Variants in SOD2 observed in about 807,000 individuals in gnomAD.
SOD2 encodes the protein superoxide dismutase 2, also known as superoxide dismutase [Mn], mitochondrial.
A neutral mutation model predicts 27.0 loss-of-function variants in SOD2; 11 were observed. The observed-to-expected ratio is 0.41, with a 90% confidence interval of 0.26 to 0.67. The LOEUF (loss-of-function observed/expected upper bound fraction) is 0.67. Among genes scored for constraint, SOD2 ranks in the 30% least tolerant of loss-of-function variants. The pLI is 0.34. For synonymous variants in SOD2, 105 were observed against 103.0 expected, an observed-to-expected ratio of 1.02 and a Z score of -0.12; for missense variants, 250 against 274.5, an observed-to-expected ratio of 0.91 and a Z score of 0.63.
At chr6:159,760,745 T>A (rs7755489) in intron 1 of SOD2, 6,538 of 152,252 alleles carry the variant, frequency 0.043, 232 homozygotes, top group African/African-American at 0.082. Context: ...TAAGGGGATG[T>A]GAGAGTAAGC....
chr6:159,747,461 G>A (rs1369255164), upstream of SOD2, among the ~76,000 whole-genome samples: 2 of 152,020 alleles, frequency 1.3e-5, no homozygotes, highest in South Asian at 2.1e-4. Flanking sequence ...TCTATGATTC[G>A]GATCTATTCA....
chr6:159,707,689 C>G (rs1041067136), intron 1 of SOD2, among the ~76,000 whole-genome samples: 10 of 152,146 alleles, frequency 6.6e-5, no homozygotes, highest in African/African-American at 2.4e-4. Context: ...ACCAGAGGTA[C>G]AAGGAGGAGC....
chr6:159,696,684 C>G (rs1400254843), upstream of SOD2, among the ~76,000 whole-genome samples: 1 of 152,122 alleles, frequency 6.6e-6, no homozygotes, highest in Non-Finnish European at 1.5e-5. Context: ...TTGCTGCTCA[C>G]TGGTCAAAAT....
chr6:159,755,421 C>T (rs375840138), intron 1 of SOD2: 67 of 1,613,960 alleles, frequency 4.2e-5, no homozygotes, highest in Admixed American at 1.7e-4. Context: ...CAACTCAGTG[C>T]GGGGTATGAA....
intron 1 of SOD2, among the ~76,000 whole-genome samples, chr6:159,710,150 A>G (rs1777704499): frequency 6.6e-6 from 1 of 151,074 alleles, no homozygotes; most frequent in South Asian, 2.1e-4. Context: ...GCATTAGGAG[A>G]TATACCTAAT....
intron 1 of SOD2, among the ~76,000 whole-genome samples, chr6:159,704,896 T>C (rs1444893269): frequency 6.6e-6 from 1 of 152,082 alleles, no homozygotes; most frequent in African/African-American, 2.4e-5. Context: ...GACTGACACC[T>C]CACATGGCCA....
chr6:159,693,533 T>C (rs1009451065), upstream of SOD2, among the ~76,000 whole-genome samples: 1 of 152,144 alleles, frequency 6.6e-6, no homozygotes, highest in Non-Finnish European at 1.5e-5. Context: ...AGGCGGCCCC[T>C]GCCCCCGTGG....
chr6:159,755,772 T>C (rs1211405942), intron 1 of SOD2: 12 of 986,342 alleles, frequency 1.2e-5, no homozygotes, highest in Admixed American at 4.3e-5. Flanking sequence ...TTTCTTTTTT[T>C]TTTTTTTTTT....
At chr6:159,748,580 C>G (rs1779704874), upstream of SOD2, 1 of 1,364,362 alleles carries the variant, frequency 7.3e-7, no homozygotes, top group Non-Finnish European at 9.4e-7. This position sits in a 1 kb window ranked among gnomAD's most constrained non-coding sequence, Gnocchi z 5.6. Context: ...TCCCCTTCCC[C>G]TTGCTTCAGA....
At chr6:159,702,606 AT>A (rs1330990066) in intron 1 of SOD2, among the ~76,000 whole-genome samples, 2 of 139,128 alleles carry the variant, frequency 1.4e-5, no homozygotes, top group African/African-American at 2.7e-5. Context: ...CCTATAAACA[AT>A]TTTTTAAAAC....
upstream of SOD2, among the ~76,000 whole-genome samples, chr6:159,731,423 G>A (rs1321345295): frequency 6.6e-6 from 1 of 151,424 alleles, no homozygotes; most frequent in Admixed American, 6.6e-5. Flanking sequence ...AGCTGTGATC[G>A]AGTCACTGCA....
intron 1 of SOD2, among the ~76,000 whole-genome samples, chr6:159,720,723 C>A (rs1778019215): frequency 6.6e-6 from 1 of 152,020 alleles, no homozygotes; most frequent in Non-Finnish European, 1.5e-5. Flanking sequence ...ATTTGCATGA[C>A]AACCCTTTCT....
At chr6:159,762,038 T>A in exon 1 of SOD2, 1 of 1,604,116 alleles carries the variant, frequency 6.2e-7, no homozygotes, top group Non-Finnish European at 8.5e-7. Flanking sequence ...GAGGAGGAGC[T>A]TTGCCTAGCT....
At chr6:159,755,688 T>C in intron 1 of SOD2, 1 of 1,338,760 alleles carries the variant, frequency 7.5e-7, no homozygotes, top group Admixed American at 3.4e-5. Context: ...TGCATACTTT[T>C]GTCACAATTT....
chr6:159,755,705 T>C, intron 1 of SOD2: 3 of 1,298,604 alleles, frequency 2.3e-6, no homozygotes, highest in Non-Finnish European at 2.9e-6. Context: ...ATTTGCCTTT[T>C]TGTGGGTGTA....
intron 1 of SOD2, chr6:159,753,655 G>C: frequency 6.4e-7 from 1 of 1,565,496 alleles, no homozygotes; most frequent in Non-Finnish European, 8.6e-7. Context: ...TCTCAACTTT[G>C]CATTGGCTTT....
At position 159,743,611 on chromosome 6, in the gene SOD2, G is replaced by A; in HGVS notation, c.-116+1519C>T. 18 of 1,501,234 alleles carry A rather than the reference G, an allele frequency of 1.2e-5. No homozygotes were observed. The South Asian group carries it at 1.7e-4, about 14-fold the overall frequency. 93.0% of individuals were successfully genotyped at this position (1,501,234 alleles called of 1,614,324 possible). On this transcript the variant is annotated intron_variant, in intron 1 of 3. Coordinates refer to the SOD2 transcript ENST00000537657. ...CTAGTTCTTATTGTTCTTGACAGAG[G>A]TATTTAGAACTTGATCTTAAAATTG...
At chr6:159,717,216 T>C (rs1777936798) in intron 1 of SOD2, among the ~76,000 whole-genome samples, 1 of 152,284 alleles carries the variant, frequency 6.6e-6, no homozygotes, top group Admixed American at 6.5e-5. Context: ...GACCAACAGA[T>C]GCTCCTTACT....
intron 1 of SOD2, chr6:159,743,543 A>T: frequency 1.1e-6 from 1 of 952,322 alleles, no homozygotes; most frequent in Non-Finnish European, 1.5e-6. Context: ...CTGTTATAAA[A>T]GTAGTTAGGA....
Sources: allele counts gnomAD v4.1 joint callset (sites outside exome capture counted in the v4.1 genomes callset), GRCh38; gene constraint gnomAD v4.1.1; non-coding constraint Gnocchi (gnomAD v3.1); transcripts MANE v1.5; gene names NCBI Gene and HGNC (gene_info 2026-07-23, HGNC 2026-07-21).